The following SLC6A18 variants were observed in gnomAD, a reference collection of about 807,000 sequenced individuals.
The protein encoded by SLC6A18 is inactive sodium-dependent neutral amino acid transporter B(0)AT3.
In SLC6A18, 58 loss-of-function variants were observed where a neutral mutation model predicts 62.9. The ratio of observed to expected loss-of-function variants is 0.92; its 90% CI spans 0.75 to 1.15. SLC6A18 has a LOEUF of 1.15. Ranked by LOEUF, SLC6A18 falls within the 50% of genes most tolerant of loss-of-function variation. The pLI is 0.00. For missense variants in SLC6A18, 793 were observed against 836.6 expected (o/e 0.95, Z 0.64); for synonymous variants, 382 against 365.8 (o/e 1.04, Z -0.51).
chr5:1,238,852 T>C (rs4487533), intron 5 of SLC6A18, among the ~76,000 whole-genome samples: 10,325 of 152,208 alleles, frequency 0.068, 415 homozygotes, highest in African/African-American at 0.091. Context: ...ATGCACCCCA[T>C]TGGGAAGCCA....
At chr5:1,226,971 G>GGCGCCTTGCCC (rs1746589699) in intron 1 of SLC6A18, among the ~76,000 whole-genome samples, 3 of 70,568 alleles carry the variant, frequency 4.3e-5, no homozygotes, top group Admixed American at 1.3e-4. Flanking sequence ...CTTGCCCACC[G>GGCGCCTTGCCC]ACGCCTTGCC....
Position 1,241,693 on chromosome 5 carries a change from C to T in SLC6A18, c.975-1014C>T, listed in dbSNP as rs927756817. ...GATTTATAGGATTTACAGGATGAGC[C>T]GGGTCAAGAAGGCAGAGCTGGGCTT... On this transcript the variant is annotated intron_variant, in intron 7 of 11. Transcript: ENST00000324642. This position sits in a 1 kb window ranked among gnomAD's most constrained non-coding sequence, Gnocchi z 7.8. Among the ~76,000 whole-genome samples the T allele has an allele frequency of 3.3e-5, 5 of 152,292 alleles. No individual in the cohort carries two copies. Among genetic ancestry groups the T allele is most frequent in the East Asian group, 3.9e-4 (2 of 5,178 alleles).
At chr5:1,232,711 A>C (rs1561175968) in intron 2 of SLC6A18, 40 bp from the exon 3 acceptor site, 2 of 1,567,012 alleles carry the variant, frequency 1.3e-6, no homozygotes, top group East Asian at 4.5e-5. Context: ...GGGAGCTGGG[A>C]AGGAGCCCCG....
At chr5:1,235,737 C>A in intron 4 of SLC6A18, 75 bp downstream of exon 4, 1 of 1,470,544 alleles carries the variant, frequency 6.8e-7, no homozygotes, top group Non-Finnish European at 9.4e-7. Flanking sequence ...GACCTGTGTT[C>A]GCTTTGTGTC....
chr5:1,237,240 C>CAA (rs61528804), intron 4 of SLC6A18, among the ~76,000 whole-genome samples: 1,691 of 76,188 alleles, frequency 0.022, 72 homozygotes, highest in African/African-American at 0.069. Flanking sequence ...GACTCTGTCT[C>CAA]AAAAAAAAAA....
chr5:1,228,204 C>T (rs1746632582), intron 1 of SLC6A18, among the ~76,000 whole-genome samples: 2 of 152,156 alleles, frequency 1.3e-5, no homozygotes, highest in South Asian at 4.1e-4. Context: ...AGAAGAGATT[C>T]TTCGGCGCTC....
rs773199164 is a variant in SLC6A18 at position 1,225,428 on chromosome 5, T to C, written c.-50T>C. On this transcript the variant is annotated 5_prime_UTR_variant, in exon 1 of 12. Transcript: ENST00000324642. The stretch of plus-strand genomic sequence containing the variant: ...CTGGAGACGGCTCTCTAGTGCTGGG[T>C]GTGGAGTGAGGCACCACCCTTGCCC... 6.4e-7 allele frequency: 1 copy of C among 1,559,430 alleles called. No individual in the cohort carries two copies. The highest frequency in any genetic ancestry group is 2.3e-5 in the East Asian group (1 of 42,628).
chr5:1,238,307 A>C (rs1393731150), intron 5 of SLC6A18, among the ~76,000 whole-genome samples: 1,571 of 107,668 alleles, frequency 0.015, 1 homozygote, highest in Admixed American at 0.027. Flanking sequence ...GGCCTGGAGG[A>C]CTCAGGAAAG....
chr5:1,234,900 G>A (rs966025869), intron 3 of SLC6A18, among the ~76,000 whole-genome samples: 1 of 152,232 alleles, frequency 6.6e-6, no homozygotes, highest in African/African-American at 2.4e-5. Context: ...TTCCATGAGG[G>A]GCCCCCCACA....
At chr5:1,235,434 G>C in intron 3 of SLC6A18, 47 bp from the exon 4 acceptor site, 1 of 1,588,682 alleles carries the variant, frequency 6.3e-7, no homozygotes, top group Non-Finnish European at 8.6e-7. Flanking sequence ...ACATGGTGAG[G>C]GTGCCTACGC....
At position 1,244,708 on chromosome 5, in the gene SLC6A18, G is replaced by A. The variant is rs775190727; in HGVS notation, c.1597G>A (p.Ala533Thr). 1.2e-6 allele frequency: 2 copies of A among 1,613,242 alleles called. No homozygotes were observed. The highest frequency in any genetic ancestry group is 3.3e-5 in the Admixed American group (2 of 60,002). Residue 533 changes from alanine to threonine, a missense_variant, in exon 11 of 12, where the codon GCT (alanine) becomes ACT (threonine). Transcript: ENST00000324642. ...VSPLLLTIFV[A>T]YIILLFWKPL... The stretch of plus-strand genomic sequence containing the variant: ...TCCCCTGCTGCTGACCATCTTTGTG[G>A]CTTACATCATCCTCCTGTTCTGGAA...
At position 1,232,733 on chromosome 5, in the gene SLC6A18, C is replaced by G. The variant is rs1464619872; in HGVS notation, c.302-18C>G. The G allele has an allele frequency of 1.3e-6, 2 of 1,597,112 alleles. No homozygotes were observed. Among genetic ancestry groups the G allele is most frequent in the Admixed American group, 3.4e-5 (2 of 57,982 alleles). On this transcript the variant is annotated intron_variant, in intron 2 of 11. Transcript: ENST00000324642. The stretch of plus-strand genomic sequence containing the variant: ...GGGAAGGAGCCCCGGGGCCACCTGA[C>G]ATGGTCCCTGTCCACAGGGCTGGGC...
At chr5:1,226,017 C>T (rs540155499) in intron 1 of SLC6A18, among the ~76,000 whole-genome samples, 5 of 152,354 alleles carry the variant, frequency 3.3e-5, no homozygotes, top group Non-Finnish European at 7.3e-5. Context: ...ACACACAATC[C>T]GCTCTGGGTT....
chr5:1,242,578 C>G (rs535450708), intron 7 of SLC6A18, 129 bp from the exon 8 acceptor site: 2 of 1,320,548 alleles, frequency 1.5e-6, no homozygotes, highest in South Asian at 1.5e-5. Context: ...GGGGCCCACA[C>G]GATCCCAACA....
Position 1,225,525 on chromosome 5 carries a change from T to C in SLC6A18, c.48T>C (p.Asp16=). ...EPDPAACDLG[D]ERPKWDNKAQ... Reference sequence around the variant, plus strand: ...ACCCGGCCGCCTGCGACCTCGGGGATGAGAGGCCCAAGTGGGACAACAAGG... The same window carrying C: ...ACCCGGCCGCCTGCGACCTCGGGGACGAGAGGCCCAAGTGGGACAACAAGG... Residue 16 remains aspartate, a synonymous_variant, in exon 1 of 12, where the codon GAT becomes GAC. Transcript: ENST00000324642. The C allele has an allele frequency of 6.2e-7, 1 of 1,613,476 alleles. No homozygotes were observed. Among genetic ancestry groups the C allele is most frequent in the Non-Finnish European group, 8.5e-7 (1 of 1,179,556 alleles).
In SLC6A18 at chr5:1,239,815, C is replaced by T. The variant is rs552487824; in HGVS notation, c.845+253C>T. ...GATACCAATCAAAATGCACATGACA[C>T]GTGGGGCCATAAAAGCCTCAATGGT... On this transcript the variant is annotated intron_variant, in intron 6 of 11. Coordinates refer to ENST00000324642, the MANE Select transcript of SLC6A18 (RefSeq NM_182632.3). Among the ~76,000 whole-genome samples, 323 of 152,328 alleles carry T rather than the reference C, an allele frequency of 2.1e-3. 13 individuals carry two copies. In the South Asian group the frequency reaches 0.063, roughly 30 times the overall value.
rs532589311 is a variant in SLC6A18, at chr5:1,225,395, G to A, written c.-83G>A. The A allele has an allele frequency of 3.1e-5, 44 of 1,420,854 alleles. No individual in the cohort carries two copies. The highest frequency in any genetic ancestry group is 2.9e-4 in the African/African-American group (20 of 68,318). 88.0% of individuals were successfully genotyped at this position (1,420,854 alleles called of 1,614,324 possible). A position where few individuals can be genotyped will look rare whatever the true frequency, so the allele number is the denominator to read the frequency against. ...GGGCTGCTTGTGGTTTCCAAACGTC[G>A]GCAGAGGCTGGAGACGGCTCTCTAG... On this transcript the variant is annotated 5_prime_UTR_variant, in exon 1 of 12. Transcript: ENST00000324642.
At chr5:1,239,401 C>A in intron 5 of SLC6A18, 49 bp from the exon 6 acceptor site, 1 of 1,410,862 alleles carries the variant, frequency 7.1e-7, no homozygotes, top group Non-Finnish European at 1.0e-6. Context: ...GGGCCACCAG[C>A]TCATGTGGTT....
chr5:1,242,247 G>T (rs577199465), intron 7 of SLC6A18, among the ~76,000 whole-genome samples: 5 of 152,346 alleles, frequency 3.3e-5, no homozygotes, highest in African/African-American at 1.2e-4. Context: ...ACCCAGGGGG[G>T]TAGAGAACAG....
Sources: gnomAD v4.1 joint callset for allele counts (sites outside exome capture counted in the v4.1 genomes callset) on GRCh38, gnomAD v4.1.1 for gene constraint, Gnocchi (gnomAD v3.1) non-coding constraint, MANE v1.5 for transcripts, NCBI Gene and HGNC (gene_info 2026-07-23, HGNC 2026-07-21) for gene names.